The following MAGI2 variants were observed in gnomAD, a reference collection of about 807,000 sequenced individuals.
MAGI2 encodes the protein membrane-associated guanylate kinase, WW and PDZ domain-containing protein 2.
Under a neutral mutation model 133.3 loss-of-function variants are expected in MAGI2, and 35 were observed. The observed-to-expected ratio is 0.26, with a 90% CI of 0.20 to 0.35. The LOEUF (loss-of-function observed/expected upper bound fraction) is 0.35. Ranked by LOEUF, MAGI2 falls within the 10% of genes least tolerant of loss-of-function variation. MAGI2 has a pLI of 1.00. For synonymous variants in MAGI2, 729 were observed against 710.6 expected, an observed-to-expected ratio of 1.03 and a Z score of -0.41; for missense variants, 1,636 against 1,863.4, an observed-to-expected ratio of 0.88 and a Z score of 2.25.
intron 1 of MAGI2, among the ~76,000 whole-genome samples, chr7:79,012,622 T>G (rs1808277244): frequency 6.6e-6 from 1 of 152,166 alleles, no homozygotes; most frequent in African/African-American, 2.4e-5. Flanking sequence ...ACAAATGCTG[T>G]AGTAGAAAGA....
intron 1 of MAGI2, among the ~76,000 whole-genome samples, chr7:79,324,426 C>CAT (rs1012219917): frequency 1.1e-5 from 1 of 90,462 alleles, no homozygotes; most frequent in Non-Finnish European, 2.4e-5. Flanking sequence ...TATCTATAAC[C>CAT]ATATATATAT....
intron 1 of MAGI2, among the ~76,000 whole-genome samples, chr7:79,214,383 CTCTCTCTCTCTCTCTCTCTCTCTCTA>C (rs1217954254): frequency 1.1e-5 from 1 of 88,612 alleles, no homozygotes; most frequent in Non-Finnish European, 2.1e-5. Context: ...CTCTCTCTCT[CTCTCTCTCTCTCTCTCTCTCTCTCTA>C]TATATATATA....
chr7:78,645,179 T>C (rs1266861898), intron 2 of MAGI2, among the ~76,000 whole-genome samples: 2 of 151,814 alleles, frequency 1.3e-5, no homozygotes, highest in Non-Finnish European at 2.9e-5. Context: ...CTATCACTTA[T>C]AGGAAACTCC....
rs1265475720 is a variant in MAGI2 at position 78,655,217 on chromosome 7, G to A, written c.419-27978C>T. On this transcript the variant is annotated intron_variant, in intron 2 of 21. Transcript: ENST00000354212. ...TAGTATTACTAAAACGCAAGACAACGGAAAACCTATTGTCAAAACCTGGAA... is the reference window on the plus strand; with the variant it reads ...TAGTATTACTAAAACGCAAGACAACAGAAAACCTATTGTCAAAACCTGGAA... Among the ~76,000 whole-genome samples, 6 of 151,692 alleles carry A rather than the reference G, an allele frequency of 4.0e-5. No homozygotes were observed. In the East Asian group the frequency reaches 7.8e-4, roughly 20 times the overall value.
chr7:79,041,313 T>C (rs190948910), intron 1 of MAGI2, among the ~76,000 whole-genome samples: 5 of 152,278 alleles, frequency 3.3e-5, no homozygotes, highest in Non-Finnish European at 7.4e-5. Context: ...GAAATATGTA[T>C]AAAAATACTA....
intron 2 of MAGI2, among the ~76,000 whole-genome samples, chr7:78,742,877 C>T (rs1395174571): frequency 1.3e-5 from 2 of 152,172 alleles, no homozygotes; most frequent in African/African-American, 4.8e-5. Context: ...TCTGATTGGG[C>T]TTCCCCACAG....
chr7:78,543,734 A>G (rs1197760575), intron 3 of MAGI2, among the ~76,000 whole-genome samples: 4 of 152,202 alleles, frequency 2.6e-5, no homozygotes, highest in African/African-American at 9.6e-5. Context: ...GCATTCACTA[A>G]TCTCCTCCAA....
intron 10 of MAGI2, among the ~76,000 whole-genome samples, chr7:78,226,399 T>G (rs747757746): frequency 6.6e-6 from 1 of 152,072 alleles, no homozygotes. Flanking sequence ...TAATGGATTA[T>G]AGACAAAATA....
chr7:78,445,642 C>G (rs185007900), intron 6 of MAGI2, among the ~76,000 whole-genome samples: 1 of 152,012 alleles, frequency 6.6e-6, no homozygotes, highest in Non-Finnish European at 1.5e-5. Context: ...TCCTGAAACG[C>G]ACATATAATT....
At chr7:79,326,594 G>T (rs56829360) in intron 1 of MAGI2, among the ~76,000 whole-genome samples, 7,208 of 151,970 alleles carry the variant, frequency 0.047, 279 homozygotes, top group African/African-American at 0.11. Context: ...GTGATAATAC[G>T]CCTTGGAAAC....
chr7:78,999,685 C>A (rs1354562705), intron 2 of MAGI2, among the ~76,000 whole-genome samples: 1 of 152,142 alleles, frequency 6.6e-6, no homozygotes, highest in Non-Finnish European at 1.5e-5. Context: ...AGAATACTTT[C>A]AAGTATATGC....
At chr7:78,546,011 C>T (rs776086363) in intron 3 of MAGI2, among the ~76,000 whole-genome samples, 50 of 152,224 alleles carry the variant, frequency 3.3e-4, no homozygotes, top group Non-Finnish European at 6.5e-4. Flanking sequence ...TATTTTATCA[C>T]CCTATTCAAA....
intron 1 of MAGI2, among the ~76,000 whole-genome samples, chr7:79,392,168 T>G (rs1191799256): frequency 6.6e-6 from 1 of 152,162 alleles, no homozygotes; most frequent in Non-Finnish European, 1.5e-5. Context: ...TTCATCCATG[T>G]CTCTGCAAAG....
chr7:78,127,631 G>A (rs1311020456), intron 18 of MAGI2, among the ~76,000 whole-genome samples: 2 of 152,008 alleles, frequency 1.3e-5, no homozygotes, highest in Non-Finnish European at 2.9e-5. Context: ...GGCTCCTTAC[G>A]AAGTCAAGGT....
chr7:79,435,705 A>G (rs1387836383), intron 1 of MAGI2, among the ~76,000 whole-genome samples: 1 of 152,198 alleles, frequency 6.6e-6, no homozygotes, highest in Non-Finnish European at 1.5e-5. Context: ...CTACAGATTC[A>G]ATGCTATTCC....
chr7:78,957,847 C>G (rs1802523223), intron 2 of MAGI2, among the ~76,000 whole-genome samples: 1 of 152,124 alleles, frequency 6.6e-6, no homozygotes, highest in South Asian at 2.1e-4. Flanking sequence ...TTTTTAAATT[C>G]CAGCCTGATG....
intron 10 of MAGI2, among the ~76,000 whole-genome samples, chr7:78,229,498 G>A (rs1789738025): frequency 1.3e-5 from 2 of 152,176 alleles, no homozygotes; most frequent in South Asian, 4.1e-4. Context: ...ACTGGGCTCT[G>A]TGTGGATTCT....
chr7:78,416,314 G>T (rs986346495), intron 6 of MAGI2, among the ~76,000 whole-genome samples: 2 of 152,012 alleles, frequency 1.3e-5, no homozygotes, highest in African/African-American at 4.8e-5. Context: ...GATAAAAAAT[G>T]CAGAAGGTAT....
At chr7:79,416,731 C>CTTTT in intron 1 of MAGI2, among the ~76,000 whole-genome samples, 1 of 129,330 alleles carries the variant, frequency 7.7e-6, no homozygotes, top group African/African-American at 3.1e-5. Context: ...TTTTCTTTTT[C>CTTTT]TTTTTTTTTT....
Sources: allele counts gnomAD v4.1 joint callset (sites outside exome capture counted in the v4.1 genomes callset), GRCh38; gene constraint gnomAD v4.1.1; transcripts MANE v1.5; gene names NCBI Gene and HGNC (gene_info 2026-07-23, HGNC 2026-07-21).